The following DOK7 variants were observed in gnomAD, a reference collection of about 807,000 sequenced individuals.
DOK7 encodes docking protein 7, also known as protein Dok-7.
A neutral mutation model predicts 30.7 loss-of-function variants in DOK7; 32 were observed. That is an observed-to-expected ratio of 1.04 (90% CI 0.79 to 1.40). The LOEUF is 1.40. Among genes scored for constraint, DOK7 ranks in the 40% most tolerant of loss-of-function variants. The probability of loss-of-function intolerance (pLI) is 0.00; values close to 1 mark genes in which losing one functional copy is unlikely to be tolerated. For missense variants in DOK7, 1,007 were observed against 699.2 expected, an observed-to-expected ratio of 1.44 and a Z score of -4.97; for synonymous variants, 447 against 324.1, an observed-to-expected ratio of 1.38 and a Z score of -4.07.
intron 2 of DOK7, among the ~76,000 whole-genome samples, chr4:3,472,159 A>C (rs1477261184): frequency 6.6e-6 from 1 of 152,240 alleles, no homozygotes; most frequent in African/African-American, 2.4e-5. Context: ...GGCTGTGGCC[A>C]TGTGGCCCGG....
rs1728581010 is a variant in DOK7 at position 3,492,823 on chromosome 4, C to G, written c.837C>G (p.Ser279Arg). Residue 279 changes from serine (S) to arginine (R), a missense_variant, in exon 7 of 7, where the codon AGC becomes AGG. Physicochemically the swap from Ser to Arg is moderately radical, Grantham distance 110. Coordinates refer to ENST00000340083, the MANE Select transcript of DOK7 (RefSeq NM_173660.5). ...EASHLDVSAS[S>R]RLTAWPEQSS... ...GTCACTTGGACGTCAGCGCCAGCAG[C>G]CGGCTCACCGCATGGCCAGAGCAAT... The G allele has an allele frequency of 7.4e-6, 12 of 1,612,566 alleles. No individual in the cohort carries two copies. Among genetic ancestry groups the G allele is most frequent in the Non-Finnish European group, 9.3e-6 (11 of 1,179,952 alleles).
intron 4 of DOK7, among the ~76,000 whole-genome samples, chr4:3,479,100 T>A (rs1316052365): frequency 6.6e-6 from 1 of 152,040 alleles, no homozygotes; most frequent in Non-Finnish European, 1.5e-5. Flanking sequence ...AATCAAGGGG[T>A]CCTCAGGGTT....
At chr4:3,468,757 CGT>C (rs373619107) in intron 2 of DOK7, among the ~76,000 whole-genome samples, 135 of 76,742 alleles carry the variant, frequency 1.8e-3, no homozygotes, top group African/African-American at 6.4e-3. Context: ...TGTCTGTGTG[CGT>C]GTGTGTGTGC....
downstream of DOK7, chr4:3,496,733 G>T (rs1016183220): frequency 4.2e-6 from 6 of 1,441,744 alleles, no homozygotes; most frequent in Non-Finnish European, 4.7e-6. Context: ...ACTCTTGGGG[G>T]GTAGTGTCCT....
intron 4 of DOK7, chr4:3,485,242 G>C (rs973796131): frequency 1.8e-5 from 6 of 328,942 alleles, no homozygotes; most frequent in African/African-American, 4.3e-5. Context: ...CAGGACCTAG[G>C]ATGGGCGGGG....
intron 4 of DOK7, chr4:3,484,896 G>C (rs891128099): frequency 1.5e-5 from 15 of 984,342 alleles, no homozygotes; most frequent in Non-Finnish European, 1.7e-5. Flanking sequence ...CCAACAGCCC[G>C]GGGGAAGGAA....
intron 6 of DOK7, among the ~76,000 whole-genome samples, chr4:3,491,190 TGCTCATTCCTTCCCC>T (rs1373782136): frequency 3.2e-4 from 3 of 9,500 alleles, no homozygotes; most frequent in Non-Finnish European, 6.7e-4. Context: ...CCTTCCCCCC[TGCTCATTCCTTCCCC>T]CCTGCTCATT....
intron 4 of DOK7, chr4:3,485,295 T>G (rs865888741): frequency 2.0e-6 from 1 of 492,798 alleles, no homozygotes; most frequent in Non-Finnish European, 3.5e-6. Context: ...TGCGGCGGGG[T>G]CCCTGGGGAG....
In DOK7 at chr4:3,493,095, G is replaced by A; in HGVS notation, c.1109G>A (p.Gly370Asp). Residue 370 changes from glycine (G) to aspartate (D), a missense_variant, in exon 7 of 7, where the codon GGC becomes GAC. Physicochemically the swap from Gly to Asp is moderately conservative, Grantham distance 94 (BLOSUM62 -1). Transcript: ENST00000340083. ...LDVWRATDEL[G>D]SLLSLPAAGA... Reference sequence around the variant, plus strand: ...GTGTGGCGGGCCACAGATGAACTGGGCTCACTGCTCAGCCTGCCAGCAGCG... The same window carrying A: ...GTGTGGCGGGCCACAGATGAACTGGACTCACTGCTCAGCCTGCCAGCAGCG... 6.3e-7 allele frequency: 1 copy of A among 1,580,014 alleles called. No individual in the cohort carries two copies. Among genetic ancestry groups the A allele is most frequent in the South Asian group, 1.1e-5 (1 of 87,530 alleles).
exon 8 of DOK7, chr4:3,500,822 G>A (rs1457529225): frequency 1.5e-5 from 23 of 1,531,066 alleles, no homozygotes; most frequent in Non-Finnish European, 1.7e-5. Context: ...CAGCCCCGCA[G>A]TGAGGTCACA....
chr4:3,491,060 C>T (rs55776122), intron 6 of DOK7, among the ~76,000 whole-genome samples: 2,373 of 103,472 alleles, frequency 0.023, 129 homozygotes, highest in African/African-American at 0.087. Context: ...TCTTTTCCCC[C>T]GGCTCATTCC....
chr4:3,463,459 G>GGGCGC lies in DOK7; in HGVS notation c.54+32_54+33insCGCGG, dbSNP rs1485695721. 18 of 1,424,336 alleles carry GGGCGC rather than the reference G, an allele frequency of 1.3e-5. No homozygotes were observed. The African/African-American group carries it at 1.5e-4, about 12-fold the overall frequency. 88.2% of individuals were successfully genotyped at this position (1,424,336 alleles called of 1,614,324 possible). ...GGGCGCGTCGGGGGCGCGGGGGGGGGGGGCGCGGGCGCGGGCGGCGGCTCA... is the reference window on the plus strand; with the variant it reads ...GGGCGCGTCGGGGGCGCGGGGGGGGGGGCGCGGGCGCGGGCGCGGGCGGCGGCTCA... On this transcript the variant is annotated intron_variant, in intron 1 of 6. Transcript: ENST00000340083.
chr4:3,468,519 AGTGT>A (rs550878147), intron 2 of DOK7, among the ~76,000 whole-genome samples: 61 of 94,142 alleles, frequency 6.5e-4, no homozygotes, highest in African/African-American at 2.6e-3. Context: ...TGCGTGTATG[AGTGT>A]GTGTGACTGT....
chr4:3,485,402 A>C, intron 4 of DOK7, 137 bp from the exon 5 acceptor site: 1 of 1,204,982 alleles, frequency 8.3e-7, no homozygotes, highest in Non-Finnish European at 1.1e-6. Context: ...GGCTCTGGGC[A>C]TCTGACTTCG....
At chr4:3,463,692 C>A (rs1040835049) in intron 2 of DOK7, 141 bp downstream of exon 2, 27 of 1,074,214 alleles carry the variant, frequency 2.5e-5, no homozygotes, top group South Asian at 2.9e-5. Context: ...CGGACCCGGA[C>A]CCCCCGGCGC....
In DOK7 at chr4:3,493,494, C is replaced by A. The variant is rs377450263; in HGVS notation, c.1508C>A (p.Pro503His). ...TGTGGAGGACTCAAGGTAAACCCCC[C>A]TCCTTGAGAGCCGCAGATCCCGCCC... Reference protein sequence around the residue: ...PVCGGLKVNPPP With the variant: ...PVCGGLKVNPHP Residue 503 changes from proline to histidine, a missense_variant, in exon 7 of 7, where the codon CCT (proline) becomes CAT (histidine). Coordinates refer to ENST00000340083, the MANE Select transcript of DOK7 (RefSeq NM_173660.5). 4 of 1,611,106 alleles carry A rather than the reference C, an allele frequency of 2.5e-6. No homozygotes were observed. The highest frequency in any genetic ancestry group is 3.4e-6 in the Non-Finnish European group (4 of 1,179,366).
chr4:3,467,962 C>T (rs1161949452), intron 2 of DOK7, among the ~76,000 whole-genome samples: 3 of 152,222 alleles, frequency 2.0e-5, no homozygotes, highest in Non-Finnish European at 4.4e-5. Context: ...ATGACCTCAT[C>T]GCATCCCAAA....
At chr4:3,490,413 C>CTGCTCATTAATTTCTT (rs1728227544) in intron 6 of DOK7, among the ~76,000 whole-genome samples, 1 of 18,922 alleles carries the variant, frequency 5.3e-5, no homozygotes, top group African/African-American at 2.2e-4. Context: ...TTTCACCCCC[C>CTGCTCATTAATTTCTT]CCACCGCCCC....
intron 5 of DOK7, among the ~76,000 whole-genome samples, chr4:3,489,323 G>A (rs1418831427): frequency 2.0e-5 from 3 of 152,206 alleles, no homozygotes; most frequent in Non-Finnish European, 4.4e-5. Flanking sequence ...GGCCGGCCCT[G>A]GGGATGGGGG....
Sources: gnomAD v4.1 joint callset for allele counts (sites outside exome capture counted in the v4.1 genomes callset) on GRCh38, gnomAD v4.1.1 for gene constraint, MANE v1.5 for transcripts, NCBI Gene and HGNC (gene_info 2026-07-23, HGNC 2026-07-21) for gene names.